Variants in GGT1 observed in about 807,000 individuals in gnomAD.
GGT1 encodes the protein gamma-glutamyltransferase 1, also known as glutathione hydrolase 1 proenzyme.
Under a neutral mutation model 56.0 loss-of-function variants are expected in GGT1, and 21 were observed. The ratio of observed to expected loss-of-function variants is 0.38; its 90% CI spans 0.27 to 0.54. The LOEUF is 0.54. Among genes scored for constraint, GGT1 ranks in the 20% least tolerant of loss-of-function variants. GGT1 has a pLI of 0.82. For missense variants in GGT1, 466 were observed against 787.0 expected (o/e 0.59, Z 4.88); for synonymous variants, 238 against 342.6 (o/e 0.69, Z 3.37).
At chr22:24,613,785 G>A (rs1362775770) in intron 5 of GGT1, among the ~76,000 whole-genome samples, 1 of 149,302 alleles carries the variant, frequency 6.7e-6, no homozygotes, top group Non-Finnish European at 1.5e-5. Flanking sequence ...AAGAAAAAGA[G>A]GAAACTGTAA....
chr22:24,628,138 T>G lies in GGT1; in HGVS notation c.1394T>G (p.Val465Gly). ...ATCATGGTGGGCCAGGACGGCCAGG[T>G]CCGGATGGTGGTGGGAGCTGCTGGG... is the stretch of plus-strand genomic sequence containing the variant. ...PTIMVGQDGQ[V>G]RMVVGAAGGT... The change falls in exon 14 of 16, where the codon GTC (valine) becomes GGC (glycine). Residue 465 changes from valine to glycine, a missense_variant. Val to Gly is a moderately radical substitution (Grantham distance 109). Coordinates refer to ENST00000400382, the MANE Select transcript of GGT1 (RefSeq NM_001288833.2). The surrounding 1 kb of genome is among the most constrained non-coding windows in gnomAD (Gnocchi z 5.7). The G allele has an allele frequency of 6.2e-7, 1 of 1,611,906 alleles. No homozygotes were observed. Among genetic ancestry groups the G allele is most frequent in the African/African-American group, 1.3e-5 (1 of 74,954 alleles).
chr22:24,606,079 T>TTATATA (rs2046301249), intron 1 of GGT1, among the ~76,000 whole-genome samples: 1 of 102,020 alleles, frequency 9.8e-6, no homozygotes, highest in African/African-American at 4.9e-5. Flanking sequence ...ATATAATATA[T>TTATATA]CATATATTAT....
rs1335647021 is a variant in GGT1 at position 24,607,942 on chromosome 22, C to T, written c.-428-12C>T. The T allele has an allele frequency of 6.4e-6, 3 of 467,908 alleles. No individual in the cohort carries two copies. In the Admixed American group the frequency reaches 7.1e-5, roughly 11 times the overall value. The allele number at this position is 467,908 out of a possible 1,614,324, so 29.0% of individuals were successfully genotyped here. Reference sequence around the variant, plus strand: ...CTTTCCCAGGCAGACAAGTCTGTCTCTTCCTCCCCAGCGGGTGCAGCCCAG... The same window carrying T: ...CTTTCCCAGGCAGACAAGTCTGTCTTTTCCTCCCCAGCGGGTGCAGCCCAG... On this transcript the variant is annotated splice_polypyrimidine_tract_variant and intron_variant, in intron 1 of 15. Transcript: ENST00000400382.
chr22:24,588,245 A>T, the GGT1 span: 3 of 1,613,180 alleles, frequency 1.9e-6, no homozygotes, highest in South Asian at 3.3e-5. Flanking sequence ...CGCAGGCTGG[A>T]CCCTTGCTGC....
At chr22:24,592,902 C>T, upstream of GGT1, 7 of 1,280,242 alleles carry the variant, frequency 5.5e-6, no homozygotes, top group South Asian at 2.4e-5. Flanking sequence ...CGCGCTCCGG[C>T]CGCCGCTCGC....
At chr22:24,589,214 G>A in the GGT1 span, 73 of 1,250,770 alleles carry the variant, frequency 5.8e-5, no homozygotes, top group Admixed American at 1.4e-4. Context: ...GGGCTGTGTC[G>A]ATGCTCATGG....
the GGT1 span, chr22:24,585,884 G>A: frequency 1.3e-6 from 2 of 1,575,160 alleles, no homozygotes; most frequent in Admixed American, 1.8e-5. Context: ...GTGGGTGGTG[G>A]GTCACCTGGC....
chr22:24,608,478 C>T (rs1188443318), intron 2 of GGT1, among the ~76,000 whole-genome samples: 1 of 152,178 alleles, frequency 6.6e-6, no homozygotes, highest in Non-Finnish European at 1.5e-5. Flanking sequence ...GGGCTCAGCT[C>T]ATGACCCTGA....
At chr22:24,617,322 G>A (rs1285341100) in intron 7 of GGT1, among the ~76,000 whole-genome samples, 1 of 152,154 alleles carries the variant, frequency 6.6e-6, no homozygotes, top group Non-Finnish European at 1.5e-5. Flanking sequence ...CAGGTTGTGT[G>A]GGATCTCTTA....
At chr22:24,608,083 A>T (rs2046433887) in intron 2 of GGT1, 60 bp downstream of exon 2, 3 of 456,544 alleles carry the variant, frequency 6.6e-6, no homozygotes, top group Non-Finnish European at 1.4e-5. Context: ...ATGGCAGCTG[A>T]CCTACTTTCT....
chr22:24,585,845 A>G, the GGT1 span: 4 of 1,509,596 alleles, frequency 2.6e-6, no homozygotes, highest in Non-Finnish European at 3.5e-6. Context: ...TGTGCTTGAG[A>G]GCATCACAAG....
the GGT1 span, chr22:24,586,134 C>T: frequency 6.2e-7 from 1 of 1,613,342 alleles, no homozygotes; most frequent in Non-Finnish European, 8.5e-7. Context: ...TTGGTGGTGT[C>T]CTTGATGGCA....
At chr22:24,586,350 G>T in the GGT1 span, 1 of 1,613,908 alleles carries the variant, frequency 6.2e-7, no homozygotes, top group Non-Finnish European at 8.5e-7. Flanking sequence ...GTCGACAGCG[G>T]GATGCCTGAG....
the GGT1 span, chr22:24,586,412 C>G: frequency 6.2e-7 from 1 of 1,606,140 alleles, no homozygotes; most frequent in African/African-American, 1.3e-5. Flanking sequence ...GCTCTTGAGG[C>G]TATGGGAGAG....
Position 24,628,311 on chromosome 22 carries a change from A to G in GGT1, c.1486A>G (p.Lys496Glu), listed in dbSNP as rs1403739081. The G allele has an allele frequency of 6.2e-7, 1 of 1,611,818 alleles. No homozygotes were observed. The highest frequency in any genetic ancestry group is 2.2e-5 in the East Asian group (1 of 44,882). ...IYNLWFGYDV[K>E]RAVEEPRLHN... Reference sequence around the variant, plus strand: ...CAACCTCTGGTTCGGCTATGACGTGAAGCGGGCCGTGGAGGAGCCCCGGCT... The same window carrying G: ...CAACCTCTGGTTCGGCTATGACGTGGAGCGGGCCGTGGAGGAGCCCCGGCT... The change falls in exon 15 of 16, where the codon AAG becomes GAG. Residue 496 changes from lysine (K) to glutamate (E), a missense_variant. By Grantham distance (56) the Lys-to-Glu change is moderately conservative. This residue lies in a region of GGT1 where 456 missense variants were observed against 716.7 expected (regional missense o/e 0.64). Coordinates refer to ENST00000400382, the MANE Select transcript of GGT1 (RefSeq NM_001288833.2). The surrounding 1 kb of genome is among the most constrained non-coding windows in gnomAD (Gnocchi z 5.7).
chr22:24,585,292 C>G, the GGT1 span, among the ~76,000 whole-genome samples: 12 of 152,216 alleles, frequency 7.9e-5, no homozygotes, highest in Admixed American at 2.6e-4. Flanking sequence ...GGCTGGCAGC[C>G]TGGGCTCAGA....
At chr22:24,626,293 C>T (rs566407242) in intron 11 of GGT1, among the ~76,000 whole-genome samples, 8 of 143,888 alleles carry the variant, frequency 5.6e-5, no homozygotes, top group South Asian at 4.4e-4. Context: ...GGATTACAGG[C>T]GTGAGCCACC....
At position 24,620,275 on chromosome 22, in the gene GGT1, G is replaced by A; in HGVS notation, c.383-53G>A. The A allele has an allele frequency of 6.3e-7, 1 of 1,590,066 alleles. No homozygotes were observed. The highest frequency in any genetic ancestry group is 8.5e-7 in the Non-Finnish European group (1 of 1,169,696). ...ACTGTGCCTGGGATGCTGCCTGCGA[G>A]AGATCCCGATGTCCCCCACTCAGGG... On this transcript the variant is annotated intron_variant, in intron 7 of 15. Transcript: ENST00000400382. The surrounding 1 kb of genome is among the most constrained non-coding windows in gnomAD (Gnocchi z 5.6).
Position 24,614,842 on chromosome 22 carries a change from C to T in GGT1, c.231C>T (p.Leu77=), listed in dbSNP as rs1410582490. The change falls in exon 6 of 16, where the codon CTC becomes CTT. Residue 77 remains leucine (L), a synonymous_variant. Coordinates refer to ENST00000400382, the MANE Select transcript of GGT1 (RefSeq NM_001288833.2). ...AAIAALLCVG[L]MNAHSMGIGG... ...TTGCAGCCCTGTTGTGTGTGGGGCT[C>T]ATGAATGCCCACAGCATGGGCATCG... The T allele has an allele frequency of 1.2e-6, 2 of 1,612,616 alleles. No individual in the cohort carries two copies. The highest frequency in any genetic ancestry group is 1.1e-5 in the South Asian group (1 of 91,032).
Sources: allele counts gnomAD v4.1 joint callset (sites outside exome capture counted in the v4.1 genomes callset), GRCh38; gene constraint gnomAD v4.1.1; regional missense constraint gnomAD v4.1.1; non-coding constraint Gnocchi (gnomAD v3.1); transcripts MANE v1.5; gene names NCBI Gene and HGNC (gene_info 2026-07-23, HGNC 2026-07-21).